The following DLC1 variants were observed in gnomAD, a reference collection of about 807,000 sequenced individuals.
DLC1 encodes the protein rho GTPase-activating protein 7.
DLC1 carries 54 observed loss-of-function variants against 140.3 expected under a neutral mutation model. The ratio of observed to expected loss-of-function variants is 0.38; its 90% CI spans 0.31 to 0.48. DLC1 has a LOEUF of 0.48. Among genes scored for constraint, DLC1 ranks in the 20% least tolerant of loss-of-function variants. The pLI is 0.96. For missense variants in DLC1, 2,536 were observed against 1,907.0 expected, an observed-to-expected ratio of 1.33 and a Z score of -6.14; for synonymous variants, 986 against 728.1, an observed-to-expected ratio of 1.35 and a Z score of -5.70.
At chr8:13,566,867 G>A in intron 1 of DLC1, 1 of 1,273,452 alleles carries the variant, frequency 7.9e-7, no homozygotes. Flanking sequence ...GGCGTCTCCC[G>A]GAAGACGACC....
At chr8:13,157,144 C>G (rs532910607) in intron 5 of DLC1, among the ~76,000 whole-genome samples, 7 of 152,330 alleles carry the variant, frequency 4.6e-5, no homozygotes, top group African/African-American at 1.4e-4. Context: ...ATACCTACTT[C>G]TCTGCACCAT....
chr8:13,391,719 G>T (rs1836770788), intron 4 of DLC1, among the ~76,000 whole-genome samples: 1 of 152,114 alleles, frequency 6.6e-6, no homozygotes, highest in Non-Finnish European at 1.5e-5. Context: ...TCAACTCATT[G>T]TTATGAATTA....
rs533211361 is a variant in DLC1 at position 13,192,814 on chromosome 8, G to A, written c.1349-77157C>T. On this transcript the variant is annotated intron_variant, in intron 5 of 17. Transcript: ENST00000276297. ...GGGATGACCCTCTGAGGGCAAAGCA[G>A]AGAGAAGGTGGTCGTCGGCAAGCAA... Among the ~76,000 whole-genome samples the A allele has an allele frequency of 2.3e-3, 344 of 152,330 alleles. 1 individual carries two copies. Among genetic ancestry groups the A allele is most frequent in the Non-Finnish European group, 4.2e-3 (286 of 68,022 alleles).
intron 5 of DLC1, 105 bp downstream of exon 5, chr8:13,305,164 T>C: frequency 6.1e-6 from 9 of 1,470,674 alleles, no homozygotes; most frequent in Non-Finnish European, 8.1e-6. Flanking sequence ...TTCCCATATA[T>C]TCATGAGATG....
intron 1 of DLC1, among the ~76,000 whole-genome samples, chr8:13,598,022 T>C (rs1447505190): frequency 1.3e-5 from 2 of 152,116 alleles, no homozygotes; most frequent in African/African-American, 4.8e-5. Flanking sequence ...CTAATTTTGC[T>C]CCGCCACTTG....
intron 5 of DLC1, among the ~76,000 whole-genome samples, chr8:13,295,501 T>C (rs904925082): frequency 1.3e-5 from 2 of 152,234 alleles, no homozygotes; most frequent in South Asian, 2.1e-4. Flanking sequence ...CAGCCATTTA[T>C]TGGGCACTGG....
intron 5 of DLC1, among the ~76,000 whole-genome samples, chr8:13,294,897 G>T (rs1213362770): frequency 6.6e-6 from 1 of 152,158 alleles, no homozygotes; most frequent in African/African-American, 2.4e-5. Flanking sequence ...ACCTCATAGG[G>T]TCGCTAGGGG....
At chr8:13,463,509 TG>T (rs1799773686) in intron 2 of DLC1, among the ~76,000 whole-genome samples, 1 of 152,208 alleles carries the variant, frequency 6.6e-6, no homozygotes, top group African/African-American at 2.4e-5. Context: ...TGATTTCTTA[TG>T]GATGTTTGTT....
At chr8:13,185,469 G>T (rs545063711) in intron 5 of DLC1, among the ~76,000 whole-genome samples, 1 of 151,610 alleles carries the variant, frequency 6.6e-6, no homozygotes, top group Non-Finnish European at 1.5e-5. Context: ...CACCACGCCC[G>T]GCTAATTTTT....
rs149949547 is a variant in DLC1 at position 13,486,957 on chromosome 8, T to G, written c.1023+12092A>C. Among the ~76,000 whole-genome samples the G allele has an allele frequency of 1.9e-3, 283 of 152,314 alleles. 1 individual carries two copies. Among genetic ancestry groups the G allele is most frequent in the Middle Eastern group, 3.4e-3 (1 of 294 alleles). On this transcript the variant is annotated intron_variant, in intron 2 of 17. Coordinates refer to ENST00000276297, the MANE Select transcript of DLC1 (RefSeq NM_182643.3). ...GATTGTTTCTTAATGTAGGTACTGG[T>G]CAGCTGTGATATTGACTCAAAGTCC... is the stretch of plus-strand genomic sequence containing the variant.
At chr8:13,541,582 C>T (rs115342429) in intron 1 of DLC1, among the ~76,000 whole-genome samples, 3,965 of 152,192 alleles carry the variant, frequency 0.026, 144 homozygotes, top group East Asian at 0.15. Context: ...CGGGGTCTCA[C>T]TCTGTCGCCA....
At chr8:13,356,267 A>G (rs998005451) in intron 4 of DLC1, among the ~76,000 whole-genome samples, 6 of 152,092 alleles carry the variant, frequency 3.9e-5, no homozygotes, top group Admixed American at 2.6e-4. Context: ...AACCTTATTT[A>G]GACTTTTAGA....
intron 2 of DLC1, among the ~76,000 whole-genome samples, chr8:13,455,969 G>A (rs922411973): frequency 3.9e-5 from 6 of 152,194 alleles, no homozygotes; most frequent in Non-Finnish European, 8.8e-5. Flanking sequence ...CCCCAAATTT[G>A]TGTTAATTTT....
intron 4 of DLC1, among the ~76,000 whole-genome samples, chr8:13,322,916 C>T (rs1175822159): frequency 1.3e-5 from 2 of 152,250 alleles, no homozygotes; most frequent in East Asian, 3.9e-4. Context: ...TGCAGATTCC[C>T]TCTTGCACTG....
In DLC1 at chr8:13,180,735, C is replaced by A. The variant is rs570280360; in HGVS notation, c.1349-65078G>T. Among the ~76,000 whole-genome samples, 26 of 152,220 alleles carry A rather than the reference C, an allele frequency of 1.7e-4. No homozygotes were observed. The South Asian group carries it at 2.1e-3, about 12-fold the overall frequency. On this transcript the variant is annotated intron_variant, in intron 5 of 17. Coordinates refer to ENST00000276297, the MANE Select transcript of DLC1 (RefSeq NM_182643.3). ...CATGCCTATATAATCCTATATTCAC[C>A]ATTTTCTCAGTAAGAATTCAATTAA...
At chr8:13,380,595 A>G (rs1008954975) in intron 4 of DLC1, among the ~76,000 whole-genome samples, 13 of 152,184 alleles carry the variant, frequency 8.5e-5, no homozygotes, top group Non-Finnish European at 1.6e-4. Context: ...AAATACCACT[A>G]TAACCTTGAC....
chr8:13,519,956 T>G (rs938209077), intron 1 of DLC1, among the ~76,000 whole-genome samples: 5 of 152,252 alleles, frequency 3.3e-5, no homozygotes, highest in South Asian at 4.1e-4. Flanking sequence ...TGGCAAACAT[T>G]AAAACGTCAG....
intron 5 of DLC1, among the ~76,000 whole-genome samples, chr8:13,273,380 CAGAG>C (rs1369790205): frequency 2.0e-5 from 3 of 152,146 alleles, no homozygotes; most frequent in African/African-American, 7.2e-5. Flanking sequence ...GCAAAGAAGA[CAGAG>C]TACCTTGGGG....
chr8:13,122,761 A>G (rs1483703137), intron 5 of DLC1, among the ~76,000 whole-genome samples: 2 of 150,344 alleles, frequency 1.3e-5, no homozygotes, highest in Non-Finnish European at 2.9e-5. Context: ...TCCTGCCCTC[A>G]GGTGCCTAAA....
Sources: allele counts gnomAD v4.1 joint callset (sites outside exome capture counted in the v4.1 genomes callset), GRCh38; gene constraint gnomAD v4.1.1; transcripts MANE v1.5; gene names NCBI Gene and HGNC (gene_info 2026-07-23, HGNC 2026-07-21).